Variants in MAPT observed in about 807,000 individuals in gnomAD.
The protein encoded by MAPT is microtubule associated protein tau.
Under a neutral mutation model 67.9 loss-of-function variants are expected in MAPT, and 34 were observed. That is an observed-to-expected ratio of 0.50 (90% CI 0.38 to 0.67). MAPT has a LOEUF of 0.67. MAPT is among the 30% of genes least tolerant of loss of function. The pLI is 0.00. For missense variants in MAPT, 881 were observed against 1,115.2 expected (o/e 0.79, Z 2.99); for synonymous variants, 456 against 464.5 (o/e 0.98, Z 0.23).
chr17:45,904,074 T>A (rs1414498154), intron 1 of MAPT, among the ~76,000 whole-genome samples: 1 of 33,864 alleles, frequency 3.0e-5, no homozygotes, highest in Non-Finnish European at 5.2e-5. Context: ...TATTATATAT[T>A]TATATATTAT....
chr17:46,020,147 A>G (rs1056541753), intron 12 of MAPT, among the ~76,000 whole-genome samples: 3 of 152,084 alleles, frequency 2.0e-5, no homozygotes, highest in African/African-American at 7.2e-5. Context: ...AATTTTCTAA[A>G]TGGGTTACTA....
rs183163908 is a variant in MAPT, at chr17:45,985,129, C to A, written c.1351+1199C>A. ...GACCAGCCTGGCCAACATGGTGAGA[C>A]CCTGTCTCTACTAAAATTACAAAAA... is the stretch of plus-strand genomic sequence containing the variant. On this transcript the variant is annotated intron_variant, in intron 5 of 12. Coordinates refer to ENST00000262410, the MANE Select transcript of MAPT (RefSeq NM_001377265.1). Among the ~76,000 whole-genome samples the A allele has an allele frequency of 1.7e-3, 264 of 152,184 alleles. 1 individual carries two copies. The highest frequency in any genetic ancestry group is 6.2e-3 in the African/African-American group (259 of 41,494).
intron 11 of MAPT, among the ~76,000 whole-genome samples, chr17:46,014,877 C>T (rs62062273): frequency 0.13 from 18,159 of 143,130 alleles, 1,782 homozygotes; most frequent in Non-Finnish European, 0.2. Flanking sequence ...AGCGAGACTC[C>T]GTCTCAAAAA....
chr17:45,932,830 C>T (rs1352794916), intron 1 of MAPT, among the ~76,000 whole-genome samples: 1 of 152,016 alleles, frequency 6.6e-6, no homozygotes, highest in African/African-American at 2.4e-5. Context: ...GCCTATAATC[C>T]CAACACTTTG....
chr17:45,929,903 G>A (rs2066687302), intron 1 of MAPT, among the ~76,000 whole-genome samples: 1 of 152,092 alleles, frequency 6.6e-6, no homozygotes, highest in Admixed American at 6.5e-5. Flanking sequence ...TGAAGTTCAG[G>A]CTCCCAGGGG....
At chr17:45,957,209 T>C (rs55746658) in intron 1 of MAPT, among the ~76,000 whole-genome samples, 21,415 of 151,568 alleles carry the variant, frequency 0.14, 2,082 homozygotes, top group Non-Finnish European at 0.21. Flanking sequence ...TTTACAGTCC[T>C]ACCAACAGTG....
intron 3 of MAPT, chr17:45,974,851 C>T (rs538362376): frequency 1.1e-4 from 29 of 275,306 alleles, no homozygotes; most frequent in African/African-American, 5.7e-4. Flanking sequence ...AGGGTCACCT[C>T]CCAAGGGGTG....
intron 9 of MAPT, among the ~76,000 whole-genome samples, chr17:46,005,398 C>T (rs2075344191): frequency 6.6e-6 from 1 of 152,130 alleles, no homozygotes; most frequent in Non-Finnish European, 1.5e-5. Context: ...TAATTCTAAG[C>T]TGTTCCCACT....
At chr17:45,973,848 T>C (rs2071999324) in intron 3 of MAPT, 1 of 159,184 alleles carries the variant, frequency 6.3e-6, no homozygotes, top group African/African-American at 2.4e-5. Context: ...TCTGCACTTT[T>C]GAATTGTGGG....
At chr17:45,941,641 T>TCCTTCCCCCCTTCCCCCCTTCCCC (rs1222427494) in intron 1 of MAPT, among the ~76,000 whole-genome samples, 5 of 70,548 alleles carry the variant, frequency 7.1e-5, no homozygotes, top group African/African-American at 2.8e-4. Context: ...CCTCTTTCCC[T>TCCTTCCCCCCTTCCCCCCTTCCCC]CCTTCCCCCC....
At chr17:45,925,719 A>G (rs969625363) in intron 1 of MAPT, among the ~76,000 whole-genome samples, 1 of 152,200 alleles carries the variant, frequency 6.6e-6, no homozygotes, top group African/African-American at 2.4e-5. Flanking sequence ...GAGCATGAGA[A>G]CTGTATATTT....
intron 1 of MAPT, among the ~76,000 whole-genome samples, chr17:45,921,463 C>T (rs2065708004): frequency 6.6e-6 from 1 of 152,164 alleles, no homozygotes; most frequent in Admixed American, 6.5e-5. Context: ...TGGATCAGGA[C>T]AGCATCCCCT....
At chr17:45,989,168 C>T (rs1270301106) in intron 6 of MAPT, among the ~76,000 whole-genome samples, 1 of 152,046 alleles carries the variant, frequency 6.6e-6, no homozygotes, top group Non-Finnish European at 1.5e-5. Context: ...CCTTCAGACC[C>T]CGTGACACAC....
At chr17:46,015,494 C>G (rs2076116735) in intron 11 of MAPT, among the ~76,000 whole-genome samples, 1 of 151,556 alleles carries the variant, frequency 6.6e-6, no homozygotes, top group Non-Finnish European at 1.5e-5. Context: ...CCGGTCTCTA[C>G]TAAAAATACA....
At chr17:46,016,390 C>CAAA (rs1263862033) in intron 11 of MAPT, among the ~76,000 whole-genome samples, 1 of 101,088 alleles carries the variant, frequency 9.9e-6, no homozygotes, top group African/African-American at 3.4e-5. Context: ...GACTCCGTCT[C>CAAA]AAAAAAAAAA....
intron 1 of MAPT, among the ~76,000 whole-genome samples, chr17:45,945,582 G>A (rs2068399320): frequency 6.6e-6 from 1 of 152,206 alleles, no homozygotes; most frequent in Non-Finnish European, 1.5e-5. Context: ...GGAGGCCAAG[G>A]CAGGCGGATC....
chr17:45,922,174 G>A (rs1451504245), intron 1 of MAPT, among the ~76,000 whole-genome samples: 1 of 152,026 alleles, frequency 6.6e-6, no homozygotes, highest in African/African-American at 2.4e-5. Flanking sequence ...CACCACACCT[G>A]GCTAATTTTT....
At chr17:45,930,982 T>G (rs573762090) in intron 1 of MAPT, among the ~76,000 whole-genome samples, 1 of 152,338 alleles carries the variant, frequency 6.6e-6, no homozygotes, top group East Asian at 1.9e-4. Context: ...CCCCAAGAAG[T>G]CACTGCAAAC....
At chr17:45,927,115 A>G (rs2066416956) in intron 1 of MAPT, among the ~76,000 whole-genome samples, 1 of 151,996 alleles carries the variant, frequency 6.6e-6, no homozygotes, top group Admixed American at 6.6e-5. Flanking sequence ...TATGGTATTT[A>G]TTGTATTATT....
Sources: allele counts gnomAD v4.1 joint callset (sites outside exome capture counted in the v4.1 genomes callset), GRCh38; gene constraint gnomAD v4.1.1; transcripts MANE v1.5; gene names NCBI Gene and HGNC (gene_info 2026-07-23, HGNC 2026-07-21).